KMT5A: variants seen among roughly 807,000 people sequenced by gnomAD.
KMT5A encodes lysine methyltransferase 5A.
A neutral mutation model predicts 40.6 loss-of-function variants in KMT5A; 6 were observed. The ratio of observed to expected loss-of-function variants is 0.15; its 90% CI spans 0.08 to 0.29. The LOEUF is 0.29. Among genes scored for constraint, KMT5A ranks in the 10% least tolerant of loss-of-function variants. KMT5A has a pLI of 1.00. For missense variants in KMT5A, 308 were observed against 459.1 expected (o/e 0.67, Z 3.01); for synonymous variants, 153 against 178.8 (o/e 0.86, Z 1.15).
intron 5 of KMT5A, among the ~76,000 whole-genome samples, chr12:123,401,624 C>A (rs1425764582): frequency 1.2e-4 from 18 of 148,654 alleles, no homozygotes; most frequent in Middle Eastern, 3.7e-3. Flanking sequence ...CTCTGTCTCC[C>A]AGGCTGGAGT....
intron 7 of KMT5A, among the ~76,000 whole-genome samples, chr12:123,405,517 C>CTTTT (rs35093204): frequency 1.3e-5 from 1 of 78,026 alleles, no homozygotes; most frequent in Non-Finnish European, 2.3e-5. Context: ...CGCCTGCTTC[C>CTTTT]TTTTTTTTTT....
intron 3 of KMT5A, 128 bp from the exon 4 acceptor site, chr12:123,394,919 C>T: frequency 1.2e-6 from 1 of 843,534 alleles, no homozygotes; most frequent in East Asian, 2.7e-5. Flanking sequence ...CTTAACAGGC[C>T]AAGGGCACTC....
At position 123,396,332 on chromosome 12, in the gene KMT5A, C is replaced by T. The variant is rs2139180670; in HGVS notation, c.510-13C>T. 6.2e-7 allele frequency: 1 copy of T among 1,612,044 alleles called. No homozygotes were observed. Among genetic ancestry groups the T allele is most frequent in the South Asian group, 1.1e-5 (1 of 90,992 alleles). On this transcript the variant is annotated splice_polypyrimidine_tract_variant and intron_variant, in intron 4 of 7. Transcript: ENST00000402868. The stretch of plus-strand genomic sequence containing the variant: ...TCCTGATATTTATTTTCTCCTCTTC[C>T]CCTCTTACCCAGAGCTCAAGGAAAA...
chr12:123,389,329 C>T (rs1328057449), intron 1 of KMT5A, 104 bp from the exon 2 acceptor site: 14 of 744,448 alleles, frequency 1.9e-5, no homozygotes, highest in Non-Finnish European at 2.3e-5. Flanking sequence ...AATATGGCTG[C>T]GGCGGGAGGC....
At position 123,393,659 on chromosome 12, in the gene KMT5A, C is replaced by T. The variant is rs574023243; in HGVS notation, c.290-1388C>T. ...GGTTCAAGCTATTCTCCTGCCTCAG[C>T]CTCCCAAATAGCTGGGATTATAGGC... On this transcript the variant is annotated intron_variant, in intron 3 of 7. Coordinates refer to ENST00000402868, the MANE Select transcript of KMT5A (RefSeq NM_020382.7). Among the ~76,000 whole-genome samples the T allele has an allele frequency of 2.6e-5, 4 of 152,242 alleles. No homozygotes were observed. The East Asian group carries it at 7.7e-4, about 29-fold the overall frequency.
chr12:123,405,594 A>ACTG (rs1593476394), intron 7 of KMT5A, among the ~76,000 whole-genome samples: 1 of 129,516 alleles, frequency 7.7e-6, no homozygotes, highest in Non-Finnish European at 1.5e-5. Flanking sequence ...ATCTTGGCTC[A>ACTG]CTGCAACCTC....
chr12:123,390,806 T>C lies in KMT5A; in HGVS notation c.289+20T>C, dbSNP rs1371693192. On this transcript the variant is annotated intron_variant, in intron 3 of 7. Transcript: ENST00000402868. ...GAGAAGGTAAGCTTTTGAAATGGCC[T>C]CGTTCTGATCCCAGCTGGTCGGGTT... is the stretch of plus-strand genomic sequence containing the variant. The C allele has an allele frequency of 6.2e-7, 1 of 1,612,836 alleles. No homozygotes were observed. The highest frequency in any genetic ancestry group is 8.5e-7 in the Non-Finnish European group (1 of 1,179,280).
At chr12:123,385,424 A>G (rs1371705348) in intron 1 of KMT5A, among the ~76,000 whole-genome samples, 5 of 152,382 alleles carry the variant, frequency 3.3e-5, no homozygotes, top group East Asian at 1.9e-4. Flanking sequence ...ACAAATTTTA[A>G]TAAAACTATG....
At chr12:123,401,144 C>CTTTTTTTTTTTTTT (rs58431238) in intron 5 of KMT5A, among the ~76,000 whole-genome samples, 1 of 75,678 alleles carries the variant, frequency 1.3e-5, no homozygotes, top group African/African-American at 5.3e-5. Context: ...ATATATCTTT[C>CTTTTTTTTTTTTTT]TTTTTTTTTT....
At chr12:123,400,768 T>C (rs1878094775) in intron 5 of KMT5A, among the ~76,000 whole-genome samples, 1 of 152,148 alleles carries the variant, frequency 6.6e-6, no homozygotes, top group African/African-American at 2.4e-5. Context: ...CACAGCTAAG[T>C]AACAACCAAC....
chr12:123,386,342 A>G (rs1226207303), intron 1 of KMT5A, among the ~76,000 whole-genome samples: 1 of 150,660 alleles, frequency 6.6e-6, no homozygotes, highest in Non-Finnish European at 1.5e-5. Context: ...CAGCTTCCCA[A>G]GTAGCTGGGA....
rs759233313 is a variant in KMT5A, at chr12:123,395,127, C to T, written c.370C>T (p.Leu124=). The T allele has an allele frequency of 5.0e-6, 8 of 1,607,146 alleles. No individual in the cohort carries two copies. The East Asian group carries it at 1.6e-4, about 31-fold the overall frequency. ...QKIKDARKGP[L]VPFPNQKSEA... is the part of the protein sequence containing the mutation. ...GATCAAAGACGCCAGGAAAGGTCCC[C>T]TGGTACCTTTTCCAAACCAAAAATC... Residue 124 remains leucine (L), a synonymous_variant, in exon 4 of 8, where the codon CTG becomes TTG. Coordinates refer to ENST00000402868, the MANE Select transcript of KMT5A (RefSeq NM_020382.7).
chr12:123,392,057 G>T (rs1240336203), intron 3 of KMT5A, among the ~76,000 whole-genome samples: 1 of 152,224 alleles, frequency 6.6e-6, no homozygotes, highest in African/African-American at 2.4e-5. Context: ...ATCTGTAAAT[G>T]GGGAGAGAGG....
intron 5 of KMT5A, among the ~76,000 whole-genome samples, chr12:123,400,898 C>T (rs973785583): frequency 2.0e-5 from 3 of 151,752 alleles, no homozygotes; most frequent in Admixed American, 6.6e-5. Flanking sequence ...TACTAACCTC[C>T]GCCTCCTGGC....
At chr12:123,398,703 G>A (rs1436113564) in intron 5 of KMT5A, among the ~76,000 whole-genome samples, 1 of 152,250 alleles carries the variant, frequency 6.6e-6, no homozygotes, top group South Asian at 2.1e-4. Context: ...GGCCATAGCT[G>A]GCCGGGATGA....
intron 6 of KMT5A, 61 bp downstream of exon 6, chr12:123,403,693 TC>T: frequency 6.2e-7 from 1 of 1,602,570 alleles, no homozygotes; most frequent in Non-Finnish European, 8.5e-7. Flanking sequence ...CCTTCCCTGG[TC>T]CCGTGGCTGA....
chr12:123,407,018 C>CA (rs56732264), intron 7 of KMT5A, among the ~76,000 whole-genome samples: 4,082 of 26,906 alleles, frequency 0.15, 199 homozygotes, highest in Non-Finnish European at 0.19. Context: ...GACTCCCTCT[C>CA]AAAAAAAAAA....
intron 1 of KMT5A, among the ~76,000 whole-genome samples, chr12:123,385,808 C>T (rs990146161): frequency 7.2e-5 from 11 of 152,204 alleles, no homozygotes; most frequent in African/African-American, 2.4e-4. Context: ...GCCGAGATTA[C>T]GTCACCGCAC....
Position 123,384,329 on chromosome 12 carries a change from G to C in KMT5A, c.10+121G>C. 7.1e-7 allele frequency: 1 copy of C among 1,399,888 alleles called. No homozygotes were observed. The highest frequency in any genetic ancestry group is 9.8e-7 in the Non-Finnish European group (1 of 1,023,736). The allele number at this position is 1,399,888 out of a possible 1,614,324, so 86.7% of individuals were successfully genotyped here. A position where few individuals can be genotyped will look rare whatever the true frequency, so the allele number is the denominator to read the frequency against. On this transcript the variant is annotated intron_variant, in intron 1 of 7. Coordinates refer to ENST00000402868, the MANE Select transcript of KMT5A (RefSeq NM_020382.7). This position sits in a 1 kb window ranked among gnomAD's most constrained non-coding sequence, Gnocchi z 5.7. Reference sequence around the variant, plus strand: ...CCTCGGGTGGCTCGGGGCAAGCTTGGGGACCCGCGTGGGGGGAGAGGGGGT... The same window carrying C: ...CCTCGGGTGGCTCGGGGCAAGCTTGCGGACCCGCGTGGGGGGAGAGGGGGT...
Sources: allele counts gnomAD v4.1 joint callset (sites outside exome capture counted in the v4.1 genomes callset), GRCh38; gene constraint gnomAD v4.1.1; non-coding constraint Gnocchi (gnomAD v3.1); transcripts MANE v1.5; gene names NCBI Gene and HGNC (gene_info 2026-07-23, HGNC 2026-07-21).